The following KCNH4 variants were observed in gnomAD, a reference collection of about 807,000 sequenced individuals.
KCNH4 encodes the protein voltage-gated delayed rectifier potassium channel KCNH4.
Under a neutral mutation model 90.7 loss-of-function variants are expected in KCNH4, and 33 were observed. The observed-to-expected ratio is 0.36, with a 90% confidence interval of 0.28 to 0.49. The LOEUF (loss-of-function observed/expected upper bound fraction) is 0.49. Among genes scored for constraint, KCNH4 ranks in the 20% least tolerant of loss-of-function variants. The probability of loss-of-function intolerance (pLI) is 0.98; values close to 1 mark genes in which losing one functional copy is unlikely to be tolerated. For missense variants in KCNH4, 1,044 were observed against 1,387.1 expected, an observed-to-expected ratio of 0.75 and a Z score of 3.93; for synonymous variants, 551 against 581.7, an observed-to-expected ratio of 0.95 and a Z score of 0.76.
Position 42,170,316 on chromosome 17 carries a change from G to A in KCNH4, c.1196-15C>T. Reference sequence around the variant, plus strand: ...ATGCAACCAGCCTGCAGGGTGGACGGATGCAGGGAGCCCTGGCTGTGCCAG... The same window carrying A: ...ATGCAACCAGCCTGCAGGGTGGACGAATGCAGGGAGCCCTGGCTGTGCCAG... On this transcript the variant is annotated splice_polypyrimidine_tract_variant and intron_variant, in intron 7 of 16. Transcript: ENST00000264661. The A allele has an allele frequency of 6.4e-7, 1 of 1,569,346 alleles. No homozygotes were observed. Among genetic ancestry groups the A allele is most frequent in the South Asian group, 1.1e-5 (1 of 88,764 alleles).
In KCNH4 at chr17:42,163,742, A is replaced by T. The variant is rs201371270; in HGVS notation, c.2341T>A (p.Ser781Thr). Residue 781 changes from serine (S) to threonine (T), a missense_variant, in exon 13 of 17, where the codon TCC becomes ACC. By Grantham distance (58) the Ser-to-Thr change is moderately conservative. Transcript: ENST00000264661. This position sits in a 1 kb window ranked among gnomAD's most constrained non-coding sequence, Gnocchi z 5.4. ...TGGCCAGCCAGGGCAGGGGACAGGG[A>T]TGGGGATAAGGAAGGAGAGGAGACA... ...ALVSSPSLSP[S>T]LSPALAGQGH... 2.2e-4 allele frequency: 339 copies of T among 1,557,300 alleles called. 3 individuals are homozygous for T. The African/African-American group carries it at 4.3e-3, about 20-fold the overall frequency.
intron 14 of KCNH4, among the ~76,000 whole-genome samples, chr17:42,162,765 G>C: frequency 6.6e-6 from 1 of 151,956 alleles, no homozygotes; most frequent in Non-Finnish European, 1.5e-5. Context: ...GCTAATTTTT[G>C]TATTTTTAGT....
chr17:42,162,411 G>A (rs1011854714), intron 14 of KCNH4, 90 bp from the exon 15 acceptor site: 73 of 1,085,884 alleles, frequency 6.7e-5, no homozygotes, highest in Admixed American at 2.3e-4. Flanking sequence ...TTGGGCAGGC[G>A]GAGAGCAGGG....
intron 6 of KCNH4, among the ~76,000 whole-genome samples, chr17:42,175,337 T>C (rs2079853651): frequency 2.0e-5 from 3 of 152,226 alleles, no homozygotes; most frequent in Admixed American, 6.5e-5. Context: ...TTGGTAGCCA[T>C]AGTTAGCTTT....
chr17:42,165,178 TG>T (rs1356274291), intron 11 of KCNH4, among the ~76,000 whole-genome samples: 2 of 150,128 alleles, frequency 1.3e-5, no homozygotes, highest in East Asian at 3.9e-4. Flanking sequence ...GTCAGGAGTC[TG>T]GGGTGGGGCT....
At position 42,178,796 on chromosome 17, in the gene KCNH4, C is replaced by G. The variant is rs765931251; in HGVS notation, c.307G>C (p.Asp103His). The change falls in exon 2 of 17, where the codon GAT (aspartate) becomes CAT (histidine). Residue 103 changes from aspartate (D) to histidine (H), a missense_variant. By Grantham distance (81) the Asp-to-His change is moderately conservative (BLOSUM62 -1). Transcript: ENST00000264661. Reference protein sequence around the residue: ...HRAEICFYRKDGSAFWCLLDM... With the variant: ...HRAEICFYRKHGSAFWCLLDM... Reference sequence around the variant, plus strand: ...AGGGTGGGGTGAGCCCCCTCACCATCCTTGCGGTAGAAGCAGATTTCAGCC... The same window carrying G: ...AGGGTGGGGTGAGCCCCCTCACCATGCTTGCGGTAGAAGCAGATTTCAGCC... 1.9e-6 allele frequency: 3 copies of G among 1,612,644 alleles called. No homozygotes were observed. The Admixed American group carries it at 5.0e-5, about 27-fold the overall frequency.
chr17:42,158,447 C>T (rs1356446837), intron 16 of KCNH4, among the ~76,000 whole-genome samples: 2 of 150,326 alleles, frequency 1.3e-5, no homozygotes, highest in Admixed American at 1.3e-4. Flanking sequence ...AGGAGAATGG[C>T]GTGAACCCGG....
chr17:42,169,737 C>T, intron 8 of KCNH4, 61 bp from the exon 9 acceptor site: 1 of 1,546,200 alleles, frequency 6.5e-7, no homozygotes, highest in Non-Finnish European at 8.9e-7. Context: ...TCCCCAGCTC[C>T]CAAACCCACC....
chr17:42,172,949 C>T (rs114392782), intron 6 of KCNH4, among the ~76,000 whole-genome samples: 5 of 151,326 alleles, frequency 3.3e-5, no homozygotes, highest in African/African-American at 7.3e-5. Flanking sequence ...TCTTGTGGAT[C>T]GGCTGCAGAT....
chr17:42,178,261 G>A (rs1467613921), intron 3 of KCNH4, 34 bp from the exon 4 acceptor site: 1 of 1,614,166 alleles, frequency 6.2e-7, no homozygotes, highest in Non-Finnish European at 8.5e-7. Context: ...ATACGTTGGG[G>A]CACATCCCTT....
chr17:42,163,859 G>T lies in KCNH4; in HGVS notation c.2224C>A (p.Arg742=), dbSNP rs921254446. Residue 742 remains arginine (R), a synonymous_variant, in exon 13 of 17, where the codon CGG becomes AGG. Transcript: ENST00000264661. This position sits in a 1 kb window ranked among gnomAD's most constrained non-coding sequence, Gnocchi z 5.4. ...CTGAGGTTGGGCAGCAGGAGGGGCC[G>T]TCGGGGCCTGGGACCACCCCCAGGC... ...AEPGGGPRPR[R]PLLLPNLSPA... The T allele has an allele frequency of 8.6e-6, 13 of 1,512,348 alleles. No homozygotes were observed. In the Admixed American group the frequency reaches 1.6e-4, roughly 18 times the overall value. The allele number at this position is 1,512,348 out of a possible 1,614,324, so 93.7% of individuals were successfully genotyped here.
Position 42,171,985 on chromosome 17 carries a change from A to G in KCNH4, c.998T>C (p.Val333Ala). ...YIFNITVTSL[V>A]HLLKTVRLLR... ...CAGCCGCACTGTCTTCAGTAGGTGC[A>G]CCAGCGAGGTCTGCAGGAAGGTGGC... is the stretch of plus-strand genomic sequence containing the variant. The change falls in exon 7 of 17, where the codon GTG becomes GCG. Residue 333 changes from valine (V) to alanine (A), a missense_variant. Val to Ala is a moderately conservative substitution (Grantham distance 64, BLOSUM62 0). Transcript: ENST00000264661. The G allele has an allele frequency of 6.3e-7, 1 of 1,599,486 alleles. No individual in the cohort carries two copies. The highest frequency in any genetic ancestry group is 8.5e-7 in the Non-Finnish European group (1 of 1,173,762).
chr17:42,159,939 G>A lies in KCNH4; in HGVS notation c.*101C>T. ...AAATCCAGAGCCAACCAGGCCAGCT[G>A]GTGGCTGCTGACCCCAAGGCAGGAA... On this transcript the variant is annotated 3_prime_UTR_variant, in exon 16 of 17. Coordinates refer to ENST00000264661, the MANE Select transcript of KCNH4 (RefSeq NM_012285.3). 1 of 858,656 alleles carries A rather than the reference G, an allele frequency of 1.2e-6. No individual in the cohort carries two copies. Among genetic ancestry groups the A allele is most frequent in the Non-Finnish European group, 1.7e-6 (1 of 599,520 alleles). The allele number at this position is 858,656 out of a possible 1,614,324, so 53.2% of individuals were successfully genotyped here.
chr17:42,165,546 G>T lies in KCNH4; in HGVS notation c.1988C>A (p.Ala663Asp), dbSNP rs781290348. Residue 663 changes from alanine to aspartate, a missense_variant, in exon 11 of 17, where the codon GCT becomes GAT. By Grantham distance (126) the Ala-to-Asp change is moderately radical. This residue lies in a region of KCNH4 where 441 missense variants were observed against 512.3 expected (regional missense o/e 0.86). Transcript: ENST00000264661. Reference protein sequence around the residue: ...GLQQLSSRGLAEVLRLYPEYG... With the variant: ...GLQQLSSRGLDEVLRLYPEYG... ...CTCAGGATAGAGCCTCAGGACCTCA[G>T]CCAGCCCTCGGCTGCTCAGCTGCTG... 8.7e-6 allele frequency: 14 copies of T among 1,614,090 alleles called. No homozygotes were observed. The highest frequency in any genetic ancestry group is 1.3e-5 in the African/African-American group (1 of 74,936).
Position 42,163,709 on chromosome 17 carries a change from T to G in KCNH4, c.2374A>C (p.Ser792Arg). The change falls in exon 13 of 17, where the codon AGT becomes CGT. Residue 792 changes from serine to arginine, a missense_variant. By Grantham distance (110) the Ser-to-Arg change is moderately radical. Around this residue, in one of 4 missense-constraint regions of KCNH4, gnomAD observed 441 missense variants for 512.3 expected, o/e 0.86. Transcript: ENST00000264661. This position sits in a 1 kb window ranked among gnomAD's most constrained non-coding sequence, Gnocchi z 5.4. ...CTGGGGGGGCCGTGAGGGGAGGCAC[T>G]GTGGCCCTGGCCAGCCAGGGCAGGG... is the stretch of plus-strand genomic sequence containing the variant. ...LSPALAGQGH[S>R]ASPHGPPRCS... The G allele has an allele frequency of 6.6e-7, 1 of 1,513,940 alleles. No individual in the cohort carries two copies. Among genetic ancestry groups the G allele is most frequent in the Non-Finnish European group, 8.8e-7 (1 of 1,133,636 alleles). The allele number at this position is 1,513,940 out of a possible 1,614,324, so 93.8% of individuals were successfully genotyped here. A position where few individuals can be genotyped will look rare whatever the true frequency, so the allele number is the denominator to read the frequency against.
At chr17:42,169,329 C>T in intron 9 of KCNH4, 148 bp downstream of exon 9, 1 of 729,136 alleles carries the variant, frequency 1.4e-6, no homozygotes, top group Non-Finnish European at 2.3e-6. Context: ...ACCTGCCCGC[C>T]TCAGCCTCCC....
Position 42,166,292 on chromosome 17 carries a change from C to A in KCNH4, c.1840+5G>T. On this transcript the variant is annotated splice_donor_5th_base_variant and intron_variant, in intron 10 of 16. Coordinates refer to ENST00000264661, the MANE Select transcript of KCNH4 (RefSeq NM_012285.3). ...GTAGGTAGTAGAGGGTGACGGTGTC[C>A]TTACCCAGGATGGCCAGCACCATGT... 1 of 1,597,386 alleles carries A rather than the reference C, an allele frequency of 6.3e-7. No individual in the cohort carries two copies. The highest frequency in any genetic ancestry group is 8.5e-7 in the Non-Finnish European group (1 of 1,171,656).
intron 9 of KCNH4, among the ~76,000 whole-genome samples, chr17:42,168,993 G>A (rs1200300734): frequency 3.3e-5 from 5 of 152,092 alleles, no homozygotes; most frequent in African/African-American, 1.2e-4. Flanking sequence ...GGATGGTCTC[G>A]ATCTCCTGAC....
chr17:42,180,751 C>T lies in KCNH4; in HGVS notation c.76+119G>A. ...CACCGCGGCTTTGGGAGTTCCTAGA[C>T]CCGCACCTCCATTCTCTCCCCTCGC... On this transcript the variant is annotated intron_variant, in intron 1 of 16. Coordinates refer to ENST00000264661, the MANE Select transcript of KCNH4 (RefSeq NM_012285.3). This position sits in a 1 kb window ranked among gnomAD's most constrained non-coding sequence, Gnocchi z 4.7. The T allele has an allele frequency of 1.9e-6, 2 of 1,048,830 alleles. No homozygotes were observed. Among genetic ancestry groups the T allele is most frequent in the South Asian group, 1.4e-5 (1 of 71,304 alleles). 65.0% of individuals were successfully genotyped at this position (1,048,830 alleles called of 1,614,324 possible).
Sources: allele counts gnomAD v4.1 joint callset (sites outside exome capture counted in the v4.1 genomes callset), GRCh38; gene constraint gnomAD v4.1.1; regional missense constraint gnomAD v4.1.1; non-coding constraint Gnocchi (gnomAD v3.1); transcripts MANE v1.5; gene names NCBI Gene and HGNC (gene_info 2026-07-23, HGNC 2026-07-21).